GRIN3A: variants seen among roughly 807,000 people sequenced by gnomAD.
The protein encoded by GRIN3A is glutamate ionotropic receptor NMDA type subunit 3A, also known as glutamate receptor ionotropic, NMDA 3A.
Under a neutral mutation model 92.4 loss-of-function variants are expected in GRIN3A, and 47 were observed. That is an observed-to-expected ratio of 0.51 (90% CI 0.40 to 0.65). GRIN3A has a LOEUF of 0.65. Ranked by LOEUF, GRIN3A falls within the 30% of genes least tolerant of loss-of-function variation. GRIN3A has a pLI of 0.00. For missense variants in GRIN3A, 1,324 were observed against 1,393.1 expected (o/e 0.95, Z 0.79); for synonymous variants, 527 against 540.6 (o/e 0.97, Z 0.35).
At chr9:101,576,726 A>G (rs1007486296) in intron 8 of GRIN3A, among the ~76,000 whole-genome samples, 3 of 152,156 alleles carry the variant, frequency 2.0e-5, no homozygotes, top group South Asian at 2.1e-4. Context: ...CACACTTGCA[A>G]TATGATGCAG....
At chr9:101,725,866 C>T (rs1349278146) in intron 1 of GRIN3A, among the ~76,000 whole-genome samples, 1 of 152,202 alleles carries the variant, frequency 6.6e-6, no homozygotes, top group East Asian at 1.9e-4. Flanking sequence ...ATTCTCTGCT[C>T]AAATGCCATG....
chr9:101,723,751 G>T (rs561653321), intron 1 of GRIN3A, among the ~76,000 whole-genome samples: 2 of 152,260 alleles, frequency 1.3e-5, no homozygotes, highest in African/African-American at 4.8e-5. Flanking sequence ...CCCCACCAGA[G>T]TAGCTAGATA....
intron 2 of GRIN3A, among the ~76,000 whole-genome samples, chr9:101,683,017 A>G (rs1422919319): frequency 6.6e-6 from 1 of 152,200 alleles, no homozygotes; most frequent in East Asian, 1.9e-4. Flanking sequence ...ACTTGTAAAT[A>G]TATTGTTGAA....
At chr9:101,682,388 T>C (rs1328790740) in intron 2 of GRIN3A, among the ~76,000 whole-genome samples, 1 of 118,444 alleles carries the variant, frequency 8.4e-6, no homozygotes. Flanking sequence ...TTTTAATGAT[T>C]GCCATTCTAA....
intron 3 of GRIN3A, among the ~76,000 whole-genome samples, chr9:101,630,803 T>C (rs972066831): frequency 6.6e-6 from 1 of 152,234 alleles, no homozygotes; most frequent in African/African-American, 2.4e-5. Context: ...TTAACAAGCT[T>C]CAGCCCATCC....
intron 6 of GRIN3A, among the ~76,000 whole-genome samples, chr9:101,612,462 C>A (rs1158725298): frequency 6.6e-6 from 1 of 152,166 alleles, no homozygotes; most frequent in African/African-American, 2.4e-5. Context: ...GGAGAATATT[C>A]AAGTGGAGAT....
chr9:101,625,720 AGGAATCTTAAT>A (rs750841172), intron 4 of GRIN3A, among the ~76,000 whole-genome samples: 2 of 152,162 alleles, frequency 1.3e-5, no homozygotes, highest in Admixed American at 6.6e-5. Context: ...GAAGTTGATA[AGGAATCTTAAT>A]GGAATCCTGG....
chr9:101,584,535 A>G (rs557147781), intron 6 of GRIN3A, among the ~76,000 whole-genome samples: 1 of 152,224 alleles, frequency 6.6e-6, no homozygotes, highest in African/African-American at 2.4e-5. Context: ...TGTGCATTAG[A>G]TATTAAATGT....
intron 5 of GRIN3A, among the ~76,000 whole-genome samples, chr9:101,621,480 T>G (rs1447239719): frequency 6.6e-6 from 1 of 152,184 alleles, no homozygotes; most frequent in Non-Finnish European, 1.5e-5. Context: ...CCCCATCCAT[T>G]TGGAGAATAA....
intron 3 of GRIN3A, among the ~76,000 whole-genome samples, chr9:101,651,179 T>C (rs904263104): frequency 6.6e-6 from 1 of 152,042 alleles, no homozygotes; most frequent in Non-Finnish European, 1.5e-5. Flanking sequence ...ATTTCTGATT[T>C]GGTCTTAACT....
intron 7 of GRIN3A, among the ~76,000 whole-genome samples, chr9:101,578,858 C>A (rs1368145121): frequency 6.6e-6 from 1 of 152,116 alleles, no homozygotes; most frequent in Non-Finnish European, 1.5e-5. Flanking sequence ...TAATAGGTTT[C>A]AATTTTGGCA....
chr9:101,604,447 G>T (rs531172093), intron 6 of GRIN3A, among the ~76,000 whole-genome samples: 2 of 152,108 alleles, frequency 1.3e-5, no homozygotes, highest in African/African-American at 4.8e-5. Flanking sequence ...ACCTGGATAG[G>T]TTCCATCTGA....
chr9:101,647,447 T>C (rs1828952007), intron 3 of GRIN3A, among the ~76,000 whole-genome samples: 1 of 151,906 alleles, frequency 6.6e-6, no homozygotes, highest in Non-Finnish European at 1.5e-5. Flanking sequence ...AATATTGGCC[T>C]GTAATTTTCG....
chr9:101,581,554 C>G (rs558093819), intron 6 of GRIN3A, among the ~76,000 whole-genome samples: 17 of 152,228 alleles, frequency 1.1e-4, no homozygotes, highest in Admixed American at 1.0e-3. Flanking sequence ...CATCATTTGT[C>G]CCCTGTGGAG....
At chr9:101,699,367 A>G (rs1163476978) in intron 1 of GRIN3A, among the ~76,000 whole-genome samples, 1 of 152,168 alleles carries the variant, frequency 6.6e-6, no homozygotes, top group Admixed American at 6.5e-5. Context: ...AGGTTGTTTC[A>G]CAATTAACTT....
In GRIN3A at chr9:101,715,395, G is replaced by A. The variant is rs981662714; in HGVS notation, c.699+21886C>T. Among the ~76,000 whole-genome samples the A allele has an allele frequency of 2.5e-4, 38 of 152,048 alleles. 1 individual carries two copies. The highest frequency in any genetic ancestry group is 2.4e-3 in the Admixed American group (36 of 15,254). ...TTTAAGGCCGGGCATGGTGGCTCATGCCTATAATCCTAGCACTTTGGGAGG... is the reference window on the plus strand; with the variant it reads ...TTTAAGGCCGGGCATGGTGGCTCATACCTATAATCCTAGCACTTTGGGAGG... On this transcript the variant is annotated intron_variant, in intron 1 of 8. Coordinates refer to ENST00000361820, the MANE Select transcript of GRIN3A (RefSeq NM_133445.3).
chr9:101,598,641 C>G (rs1381316243), intron 6 of GRIN3A, among the ~76,000 whole-genome samples: 1 of 152,108 alleles, frequency 6.6e-6, no homozygotes, highest in Admixed American at 6.5e-5. Flanking sequence ...ATCATCATTG[C>G]TATTATTACT....
At chr9:101,729,688 G>T (rs1235562468) in intron 1 of GRIN3A, among the ~76,000 whole-genome samples, 1 of 152,118 alleles carries the variant, frequency 6.6e-6, no homozygotes, top group African/African-American at 2.4e-5. Flanking sequence ...TGAGGATTCA[G>T]ATTTGGAACT....
intron 6 of GRIN3A, among the ~76,000 whole-genome samples, chr9:101,600,460 A>T (rs1217881734): frequency 6.6e-6 from 1 of 152,196 alleles, no homozygotes; most frequent in Admixed American, 6.5e-5. Flanking sequence ...CCAAATTATC[A>T]TGTCCATAGA....
Sources: allele counts gnomAD v4.1 joint callset (sites outside exome capture counted in the v4.1 genomes callset), GRCh38; gene constraint gnomAD v4.1.1; transcripts MANE v1.5; gene names NCBI Gene and HGNC (gene_info 2026-07-23, HGNC 2026-07-21).